NCAPG2: variants seen among roughly 807,000 people sequenced by gnomAD.
NCAPG2 encodes the protein condensin-2 complex subunit G2.
In NCAPG2, 53 loss-of-function variants were observed where a neutral mutation model predicts 141.1. The observed-to-expected ratio is 0.38, with a 90% CI of 0.30 to 0.47. NCAPG2 has a LOEUF of 0.47. Among genes scored for constraint, NCAPG2 ranks in the 20% least tolerant of loss-of-function variants. NCAPG2 has a pLI of 0.99. For missense variants in NCAPG2, 1,087 were observed against 1,389.0 expected (o/e 0.78, Z 3.46); for synonymous variants, 499 against 490.7 (o/e 1.02, Z -0.22).
intron 6 of NCAPG2, among the ~76,000 whole-genome samples, chr7:158,689,437 T>C (rs1471468292): frequency 2.0e-5 from 3 of 151,874 alleles, no homozygotes; most frequent in East Asian, 1.9e-4. Flanking sequence ...ACAGGATGGG[T>C]AGAAAAAAGA....
At position 158,704,789 on chromosome 7, in the gene NCAPG2, G is replaced by C. The variant is rs1037429952; in HGVS notation, c.-105C>G. On this transcript the variant is annotated 5_prime_UTR_variant, in exon 1 of 28. Transcript: ENST00000356309. ...TTCAAACGCACCCGCCGGCGCCCCA[G>C]ACGGGCCCCGCCCTCCCGGTCGTCA... 6.6e-6 allele frequency: 1 copy of C among 152,260 alleles called. No individual in the cohort carries two copies. Among genetic ancestry groups the C allele is most frequent in the African/African-American group, 2.4e-5 (1 of 41,458 alleles). 9.4% of individuals were successfully genotyped at this position (152,260 alleles called of 1,614,324 possible).
intron 27 of NCAPG2, chr7:158,639,719 A>AG: frequency 2.9e-6 from 1 of 339,822 alleles, no homozygotes; most frequent in Non-Finnish European, 4.2e-6. Flanking sequence ...AACACTGAAA[A>AG]GGGAGAAGTT....
intron 16 of NCAPG2, among the ~76,000 whole-genome samples, chr7:158,660,506 A>T (rs1394135305): frequency 1.3e-5 from 2 of 149,318 alleles, no homozygotes; most frequent in African/African-American, 5.0e-5. Context: ...TGTAGTCTCA[A>T]ACTCTGGGCT....
intron 22 of NCAPG2, 133 bp from the exon 23 acceptor site, chr7:158,652,613 A>C: frequency 1.3e-6 from 1 of 746,488 alleles, no homozygotes; most frequent in South Asian, 1.9e-5. Context: ...TTGGTGAGCC[A>C]ATACCAAAAG....
At chr7:158,683,266 C>A (rs759590260) in intron 9 of NCAPG2, 34 bp downstream of exon 9, 1 of 1,416,950 alleles carries the variant, frequency 7.1e-7, no homozygotes, top group Admixed American at 2.5e-5. Flanking sequence ...ACAGAGGAAA[C>A]ATTATTTCAA....
At chr7:158,660,224 G>T (rs1832375373) in intron 16 of NCAPG2, among the ~76,000 whole-genome samples, 1 of 151,990 alleles carries the variant, frequency 6.6e-6, no homozygotes, top group African/African-American at 2.4e-5. Flanking sequence ...CTTAGTGGTG[G>T]AGAGACTTCT....
intron 24 of NCAPG2, among the ~76,000 whole-genome samples, chr7:158,649,439 C>T (rs1033690377): frequency 1.3e-4 from 20 of 152,264 alleles, no homozygotes; most frequent in African/African-American, 4.3e-4. Context: ...AGAAAAAACA[C>T]GGCAAATGGG....
rs746064183 is a variant in NCAPG2 at position 158,662,179 on chromosome 7, T to G, written c.1989+15A>C. The G allele has an allele frequency of 6.3e-7, 1 of 1,579,736 alleles. No individual in the cohort carries two copies. Among genetic ancestry groups the G allele is most frequent in the South Asian group, 1.2e-5 (1 of 81,664 alleles). ...CCTTAATATACCTTGCTTACAAGTATAGTTCAAGACTTACCTTAAATACTT... is the reference window on the plus strand; with the variant it reads ...CCTTAATATACCTTGCTTACAAGTAGAGTTCAAGACTTACCTTAAATACTT... On this transcript the variant is annotated intron_variant, in intron 16 of 27. Transcript: ENST00000356309.
At chr7:158,666,204 T>C (rs34171903) in intron 13 of NCAPG2, among the ~76,000 whole-genome samples, 76,499 of 152,004 alleles carry the variant, frequency 0.5, 20,806 homozygotes, top group Non-Finnish European at 0.61. Context: ...AGAAAAATAC[T>C]AGGACTCATA....
rs187103508 is a variant in NCAPG2 at position 158,683,412 on chromosome 7, C to T, written c.838-26G>A. ...CTGAAATAACAAATGCAATGCAAAG[C>T]ACTTGGTGTGTGTGTGTCCTACTGA... is the stretch of plus-strand genomic sequence containing the variant. On this transcript the variant is annotated intron_variant, in intron 8 of 27. Transcript: ENST00000356309. 7.1e-5 allele frequency: 112 copies of T among 1,567,198 alleles called. No individual in the cohort carries two copies. The African/African-American group carries it at 1.4e-3, about 19-fold the overall frequency.
rs1156754853 is a variant in NCAPG2 at position 158,671,619 on chromosome 7, C to T, written c.1374G>A (p.Glu458=). ...LDNKLSHPLL[E]QLLPALRYSL... ...TGTATCTGAGAGCTGGAAGGAGCTG[C>T]TCTAACAATGGGTGGCTCAGTTTGT... Residue 458 remains glutamate (E), a synonymous_variant, in exon 13 of 28, where the codon GAG becomes GAA. Coordinates refer to ENST00000356309, the MANE Select transcript of NCAPG2 (RefSeq NM_017760.7). 3 of 1,614,084 alleles carry T rather than the reference C, an allele frequency of 1.9e-6. No individual in the cohort carries two copies. Among genetic ancestry groups the T allele is most frequent in the East Asian group, 4.5e-5 (2 of 44,888 alleles).
chr7:158,644,190 C>CT (rs1442889012), intron 27 of NCAPG2, 99 bp downstream of exon 27: 35 of 997,294 alleles, frequency 3.5e-5, no homozygotes, highest in Non-Finnish European at 5.1e-5. Context: ...TCCTAACCAC[C>CT]TGGGTGTAAG....
Position 158,675,734 on chromosome 7 carries a change from T to C in NCAPG2, c.1147-78A>G, listed in dbSNP as rs1769819504. On this transcript the variant is annotated intron_variant, in intron 11 of 27. Transcript: ENST00000356309. Reference sequence around the variant, plus strand: ...CCACATCTGCTTCACACGTGAGCACTTCAGGGATTCGTAACTTAGAGAAAC... The same window carrying C: ...CCACATCTGCTTCACACGTGAGCACCTCAGGGATTCGTAACTTAGAGAAAC... 2.1e-6 allele frequency: 3 copies of C among 1,432,082 alleles called. No individual in the cohort carries two copies. The South Asian group carries it at 3.8e-5, about 18-fold the overall frequency. 88.7% of individuals were successfully genotyped at this position (1,432,082 alleles called of 1,614,324 possible).
intron 2 of NCAPG2, among the ~76,000 whole-genome samples, chr7:158,701,482 T>C (rs73522743): frequency 7.5e-4 from 114 of 152,296 alleles, no homozygotes; most frequent in African/African-American, 2.6e-3. Context: ...TAAAGACTCG[T>C]GTAGCCTAGC....
chr7:158,668,775 T>C (rs1450204255), intron 13 of NCAPG2, among the ~76,000 whole-genome samples: 1 of 152,242 alleles, frequency 6.6e-6, no homozygotes, highest in African/African-American at 2.4e-5. Context: ...GGTCCAACTT[T>C]TAAGTTCAGG....
intron 22 of NCAPG2, among the ~76,000 whole-genome samples, chr7:158,653,376 A>AT (rs56162825): frequency 0.012 from 882 of 72,388 alleles, 8 homozygotes; most frequent in African/African-American, 0.036. Context: ...AAAAAAAAAA[A>AT]ATAAAAAAAA....
chr7:158,635,412 GC>G (rs1160517162), intron 27 of NCAPG2, among the ~76,000 whole-genome samples: 1 of 152,066 alleles, frequency 6.6e-6, no homozygotes, highest in Non-Finnish European at 1.5e-5. Context: ...TATTAACGTT[GC>G]CTGCAAGTAG....
intron 6 of NCAPG2, among the ~76,000 whole-genome samples, chr7:158,689,491 T>C (rs1587283631): frequency 6.6e-6 from 1 of 152,338 alleles, no homozygotes; most frequent in East Asian, 1.9e-4. Context: ...ACATGGCAAT[T>C]AAAATGGAAT....
In NCAPG2 at chr7:158,633,310, C is replaced by T. The variant is rs1409462094; in HGVS notation, c.3381-1593G>A. Among the ~76,000 whole-genome samples the T allele has an allele frequency of 6.6e-6, 1 of 152,180 alleles. No individual in the cohort carries two copies. On this transcript the variant is annotated intron_variant, in intron 27 of 27. Transcript: ENST00000356309. This position sits in a 1 kb window ranked among gnomAD's most constrained non-coding sequence, Gnocchi z 4.1. ...TCTGGAATTTGACTATCACAGGAAC[C>T]ATCTCTGTAGTGTGTCTGTGACACT...
Sources: allele counts gnomAD v4.1 joint callset (sites outside exome capture counted in the v4.1 genomes callset), GRCh38; gene constraint gnomAD v4.1.1; non-coding constraint Gnocchi (gnomAD v3.1); transcripts MANE v1.5; gene names NCBI Gene and HGNC (gene_info 2026-07-23, HGNC 2026-07-21).